MGST1: variants seen among roughly 807,000 people sequenced by gnomAD.
The protein encoded by MGST1 is microsomal glutathione S-transferase 1.
MGST1 carries 5 observed loss-of-function variants against 8.9 expected under a neutral mutation model. The observed-to-expected ratio is 0.56, with a 90% CI of 0.29 to 1.19. The LOEUF (loss-of-function observed/expected upper bound fraction) is 1.19. MGST1 is among the 50% of genes most tolerant of loss of function. The pLI, the probability that MGST1 is intolerant of heterozygous loss-of-function variation, is 0.08. For synonymous variants in MGST1, 54 were observed against 67.8 expected, an observed-to-expected ratio of 0.80 and a Z score of 1.00; for missense variants, 182 against 187.4, an observed-to-expected ratio of 0.97 and a Z score of 0.17.
intron 4 of MGST1, among the ~76,000 whole-genome samples, chr12:16,579,541 C>A (rs1286764718): frequency 6.6e-6 from 1 of 152,040 alleles, no homozygotes; most frequent in Non-Finnish European, 1.5e-5. Flanking sequence ...GGCATTATGG[C>A]CTAATAATTT....
intron 1 of MGST1, among the ~76,000 whole-genome samples, chr12:16,406,506 C>A (rs1940698911): frequency 6.6e-6 from 1 of 152,094 alleles, no homozygotes; most frequent in Admixed American, 6.6e-5. Context: ...TTTATAGATT[C>A]AATGCTATTC....
rs180843956 is a variant in MGST1 at position 16,390,249 on chromosome 12, A to T, written n.778+6645A>T. Among the ~76,000 whole-genome samples the T allele has an allele frequency of 7.7e-3, 1,173 of 152,284 alleles. 23 individuals are homozygous for T. Among genetic ancestry groups the T allele is most frequent in the Non-Finnish European group, 5.6e-3 (378 of 68,006 alleles). ...TATTAAACTGGGTAGAGAATTTTTTAAAAAAATTGTCCACTTTAGAAAGCT... is the reference window on the plus strand; with the variant it reads ...TATTAAACTGGGTAGAGAATTTTTTTAAAAAATTGTCCACTTTAGAAAGCT... On this transcript the variant is annotated intron_variant and non_coding_transcript_variant, in intron 1 of 1. Coordinates refer to the MGST1 transcript ENST00000359720.
In MGST1 at chr12:16,538,419, C is replaced by T. The variant is rs952141388; in HGVS notation, n.483-51109C>T. 2.6e-5 allele frequency among the ~76,000 whole-genome samples: 4 copies of T among 152,246 alleles called. No homozygotes were observed. The East Asian group carries it at 5.8e-4, about 22-fold the overall frequency. ...TCTTCCTGTTACCCAGTTCCAAAGT[C>T]GCTTCCACATTCTCAGGTATCTTGT... On this transcript the variant is annotated intron_variant and non_coding_transcript_variant, in intron 4 of 4. Coordinates refer to the MGST1 transcript ENST00000538857.
At chr12:16,398,006 T>C (rs1028568821) in intron 1 of MGST1, among the ~76,000 whole-genome samples, 1 of 151,880 alleles carries the variant, frequency 6.6e-6, no homozygotes, top group Admixed American at 6.6e-5. Context: ...CAATTATTTC[T>C]CCATTTACTT....
intron 4 of MGST1, among the ~76,000 whole-genome samples, chr12:16,536,343 G>T (rs944233069): frequency 2.6e-5 from 4 of 152,044 alleles, no homozygotes; most frequent in Non-Finnish European, 5.9e-5. Context: ...AAAAAACTAC[G>T]TGGATAAATG....
chr12:16,360,218 C>G lies in MGST1; in HGVS notation c.221+2519C>G, dbSNP rs1449245493. Reference sequence around the variant, plus strand: ...GCCTAATAACACACTTTTGGAGACACTTTTCAGAGAGAGCGTTTCCAGCAT... The same window carrying G: ...GCCTAATAACACACTTTTGGAGACAGTTTTCAGAGAGAGCGTTTCCAGCAT... On this transcript the variant is annotated intron_variant, in intron 3 of 3. Transcript: ENST00000396210. The G allele has an allele frequency of 2.1e-5, 9 of 429,354 alleles. No homozygotes were observed. The East Asian group carries it at 1.1e-3, about 53-fold the overall frequency. The allele number at this position is 429,354 out of a possible 1,614,324, so 26.6% of individuals were successfully genotyped here. A position where few individuals can be genotyped will look rare whatever the true frequency, so the allele number is the denominator to read the frequency against.
intron 4 of MGST1, among the ~76,000 whole-genome samples, chr12:16,569,445 A>C (rs1228453252): frequency 3.3e-5 from 5 of 152,196 alleles, no homozygotes; most frequent in Non-Finnish European, 1.5e-5. Context: ...AACAGTGTTT[A>C]AACATTATAC....
At chr12:16,372,501 T>A (rs1004215243) in intron 3 of MGST1, among the ~76,000 whole-genome samples, 2 of 152,054 alleles carry the variant, frequency 1.3e-5, no homozygotes, top group African/African-American at 4.8e-5. Context: ...CCAGTTAAAA[T>A]GGCTTTTACC....
At chr12:16,407,520 C>T (rs1306484294) in intron 1 of MGST1, among the ~76,000 whole-genome samples, 1 of 152,128 alleles carries the variant, frequency 6.6e-6, no homozygotes, top group African/African-American at 2.4e-5. Flanking sequence ...CCTCAAAGAA[C>T]TAAAAGCAGA....
At chr12:16,485,307 C>T (rs750328436) in intron 4 of MGST1, among the ~76,000 whole-genome samples, 7 of 152,144 alleles carry the variant, frequency 4.6e-5, no homozygotes, top group South Asian at 2.1e-4. Flanking sequence ...AGAAGTGTAA[C>T]GTTCGGTGTA....
At position 16,559,837 on chromosome 12, in the gene MGST1, C is replaced by T. The variant is rs182046291; in HGVS notation, n.483-29691C>T. 5.3e-5 allele frequency among the ~76,000 whole-genome samples: 8 copies of T among 151,544 alleles called. No individual in the cohort carries two copies. The highest frequency in any genetic ancestry group is 5.3e-4 in the Admixed American group (8 of 15,194). On this transcript the variant is annotated intron_variant and non_coding_transcript_variant, in intron 4 of 4. Coordinates refer to the MGST1 transcript ENST00000538857. The surrounding 1 kb of genome is among the most constrained non-coding windows in gnomAD (Gnocchi z 4.1). ...ATTAGCCAGGCATGGGAGTGCACAC[C>T]TGTACTCCCAGCTACTCGGGAGGCT...
intron 1 of MGST1, among the ~76,000 whole-genome samples, chr12:16,434,094 C>T (rs377384883): frequency 1.3e-5 from 2 of 152,008 alleles, no homozygotes; most frequent in Non-Finnish European, 1.5e-5. Context: ...GCACTTCATG[C>T]GTATCTATGT....
chr12:16,484,061 C>T (rs1941382754), intron 4 of MGST1, among the ~76,000 whole-genome samples: 1 of 152,214 alleles, frequency 6.6e-6, no homozygotes, highest in South Asian at 2.1e-4. Flanking sequence ...CGTATGCCCA[C>T]ATATCTGCAA....
At chr12:16,549,793 T>C (rs975054568) in intron 4 of MGST1, 8 of 152,100 alleles carry the variant, frequency 5.3e-5, no homozygotes, top group African/African-American at 1.9e-4. Flanking sequence ...GGGGATCATA[T>C]TCTCATTTCC....
chr12:16,402,957 A>G (rs950250149), intron 1 of MGST1, among the ~76,000 whole-genome samples: 1 of 149,162 alleles, frequency 6.7e-6, no homozygotes, highest in Admixed American at 6.7e-5. Flanking sequence ...TATATTCTCT[A>G]TATATTTATT....
At position 16,458,904 on chromosome 12, in the gene MGST1, C is replaced by T. The variant is rs1243293857; in HGVS notation, n.482+75300C>T. Among the ~76,000 whole-genome samples, 1 of 151,992 alleles carries T rather than the reference C, an allele frequency of 6.6e-6. No homozygotes were observed. The highest frequency in any genetic ancestry group is 1.5e-5 in the Non-Finnish European group (1 of 67,966). On this transcript the variant is annotated intron_variant and non_coding_transcript_variant, in intron 4 of 4. Transcript: ENST00000538857. The surrounding 1 kb of genome is among the most constrained non-coding windows in gnomAD (Gnocchi z 4.0). ...TAGGAAAGCTATATGACCTATCCTG[C>T]TGAGCTGAGAGCAGGGAATTCTTAC... is the stretch of plus-strand genomic sequence containing the variant.
downstream of MGST1, among the ~76,000 whole-genome samples, chr12:16,381,745 T>A (rs1940455441): frequency 6.6e-6 from 1 of 152,228 alleles, no homozygotes. Flanking sequence ...CCACCTTGGT[T>A]CCATTCTCCC....
chr12:16,535,792 T>C (rs1008730392), intron 4 of MGST1, among the ~76,000 whole-genome samples: 4 of 152,128 alleles, frequency 2.6e-5, no homozygotes, highest in African/African-American at 9.7e-5. Context: ...GAAGAAAGCC[T>C]CCAAGATTAT....
At chr12:16,353,047 A>G (rs2975151) in intron 1 of MGST1, among the ~76,000 whole-genome samples, 95,905 of 150,962 alleles carry the variant, frequency 0.64, 32,022 homozygotes, top group Non-Finnish European at 0.75. Context: ...TTTTTTTTGG[A>G]GGGGGAGACA....
Sources: allele counts gnomAD v4.1 joint callset (sites outside exome capture counted in the v4.1 genomes callset), GRCh38; gene constraint gnomAD v4.1.1; non-coding constraint Gnocchi (gnomAD v3.1); transcripts MANE v1.5; gene names NCBI Gene and HGNC (gene_info 2026-07-23, HGNC 2026-07-21).